Variants in KDM5A observed in about 807,000 individuals in gnomAD.
KDM5A encodes lysine-specific demethylase 5A.
Under a neutral mutation model 193.5 loss-of-function variants are expected in KDM5A, and 42 were observed. That is an observed-to-expected ratio of 0.22 (90% CI 0.17 to 0.28). The LOEUF is 0.28. Ranked by LOEUF, KDM5A falls within the 10% of genes least tolerant of loss-of-function variation. The pLI is 1.00. For missense variants in KDM5A, 1,692 were observed against 2,055.1 expected, an observed-to-expected ratio of 0.82 and a Z score of 3.42; for synonymous variants, 796 against 718.1, an observed-to-expected ratio of 1.11 and a Z score of -1.73.
intron 7 of KDM5A, 110 bp downstream of exon 7, chr12:355,045 GTCT>G: frequency 1.3e-6 from 1 of 749,058 alleles, no homozygotes; most frequent in Non-Finnish European, 2.4e-6. Context: ...GTGCCATCAA[GTCT>G]TCTAACCAAA....
rs188174763 is a variant in KDM5A, at chr12:317,517, C to T, written c.2897+589G>A. Among the ~76,000 whole-genome samples the T allele has an allele frequency of 2.9e-3, 448 of 152,334 alleles. 2 individuals carry two copies. The highest frequency in any genetic ancestry group is 0.01 in the African/African-American group (430 of 41,580). On this transcript the variant is annotated intron_variant, in intron 19 of 27. Transcript: ENST00000399788. The stretch of plus-strand genomic sequence containing the variant: ...CTAAGCATAGGCTCTAAACAAAATA[C>T]TACTGTGTATAACATGAAGTACCTA...
Position 389,197 on chromosome 12 carries a change from T to C in KDM5A, c.-106A>G, listed in dbSNP as rs2137509359. 9.4e-7 allele frequency: 1 copy of C among 1,060,844 alleles called. No homozygotes were observed. Among genetic ancestry groups the C allele is most frequent in the Non-Finnish European group, 1.5e-6 (1 of 681,264 alleles). The allele number at this position is 1,060,844 out of a possible 1,614,324, so 65.7% of individuals were successfully genotyped here. On this transcript the variant is annotated 5_prime_UTR_variant, in exon 1 of 28. An upstream start codon of the reference 5' UTR is lost. Transcript: ENST00000399788. ...GTCCCCTGACAGAGGCCGAAGCGCA[T>C]CTTCGCGGACAAGAACCGTTCAACA... is the stretch of plus-strand genomic sequence containing the variant.
intron 14 of KDM5A, 73 bp from the exon 15 acceptor site, chr12:323,854 T>C (rs1943751589): frequency 1.7e-6 from 2 of 1,186,500 alleles, no homozygotes; most frequent in Non-Finnish European, 2.5e-6. Flanking sequence ...AGTTACTACA[T>C]TTTTTTCTAT....
At chr12:325,456 G>T (rs1021756369) in intron 14 of KDM5A, among the ~76,000 whole-genome samples, 6 of 152,020 alleles carry the variant, frequency 3.9e-5, no homozygotes, top group African/African-American at 1.5e-4. Flanking sequence ...GCCGAGGTGG[G>T]TAGATCACCT....
chr12:334,706 A>T (rs1258263515), intron 10 of KDM5A, among the ~76,000 whole-genome samples: 3 of 152,214 alleles, frequency 2.0e-5, no homozygotes, highest in Admixed American at 1.3e-4. Context: ...GGAAAACAGT[A>T]TGAGACCCAT....
At chr12:373,329 A>C (rs565332414) in intron 3 of KDM5A, among the ~76,000 whole-genome samples, 1 of 152,122 alleles carries the variant, frequency 6.6e-6, no homozygotes, top group Non-Finnish European at 1.5e-5. Flanking sequence ...GGGAGGGTGT[A>C]TGTCTCCAGG....
At chr12:306,278 A>T (rs1463520472) in intron 24 of KDM5A, among the ~76,000 whole-genome samples, 1 of 152,104 alleles carries the variant, frequency 6.6e-6, no homozygotes, top group African/African-American at 2.4e-5. Context: ...CCAAGCCTAG[A>T]ATGGAATTCT....
intron 14 of KDM5A, 128 bp from the exon 15 acceptor site, chr12:323,909 G>T: frequency 1.3e-6 from 1 of 755,130 alleles, no homozygotes; most frequent in Non-Finnish European, 2.3e-6. Flanking sequence ...AGGTACAATG[G>T]CACAACATCA....
At chr12:298,755 G>A (rs933237012) in intron 24 of KDM5A, among the ~76,000 whole-genome samples, 2 of 152,068 alleles carry the variant, frequency 1.3e-5, no homozygotes, top group Admixed American at 1.3e-4. Context: ...ACTCCTCTGA[G>A]CTAAAGGACC....
chr12:327,374 T>C (rs1297991494), intron 14 of KDM5A, among the ~76,000 whole-genome samples: 1 of 152,130 alleles, frequency 6.6e-6, no homozygotes, highest in Non-Finnish European at 1.5e-5. Context: ...AGAAAAAGAA[T>C]CCCATTTTAA....
At position 306,934 on chromosome 12, in the gene KDM5A, C is replaced by T. The variant is rs2137386476; in HGVS notation, c.4074+12G>A. On this transcript the variant is annotated intron_variant, in intron 24 of 27. Coordinates refer to ENST00000399788, the MANE Select transcript of KDM5A (RefSeq NM_001042603.3). Reference sequence around the variant, plus strand: ...TCAGGTATGTACCCACACAGCTTGTCCATGTAACTACCTTCATGTCGTAGC... The same window carrying T: ...TCAGGTATGTACCCACACAGCTTGTTCATGTAACTACCTTCATGTCGTAGC... 4 of 1,612,034 alleles carry T rather than the reference C, an allele frequency of 2.5e-6. No homozygotes were observed. Among genetic ancestry groups the T allele is most frequent in the Non-Finnish European group, 3.4e-6 (4 of 1,179,218 alleles).
intron 19 of KDM5A, among the ~76,000 whole-genome samples, chr12:313,621 T>C (rs761642725): frequency 1.6e-4 from 24 of 152,252 alleles, no homozygotes; most frequent in Middle Eastern, 3.4e-3. Context: ...TAGAAAACAA[T>C]AGACTAGAAA....
intron 14 of KDM5A, among the ~76,000 whole-genome samples, chr12:327,577 C>T (rs1943807182): frequency 6.6e-6 from 1 of 151,982 alleles, no homozygotes; most frequent in Admixed American, 6.6e-5. Flanking sequence ...GTCAAGGTGG[C>T]GCATGCCTGT....
chr12:370,330 T>C (rs904769053), intron 3 of KDM5A, among the ~76,000 whole-genome samples: 2 of 152,302 alleles, frequency 1.3e-5, no homozygotes, highest in African/African-American at 2.4e-5. Context: ...GAGGCGGGGA[T>C]TGCAGGGAGC....
chr12:347,390 T>C (rs1944092306), intron 10 of KDM5A, among the ~76,000 whole-genome samples: 1 of 152,212 alleles, frequency 6.6e-6, no homozygotes, highest in Admixed American at 6.5e-5. Flanking sequence ...ATGGACTTTC[T>C]TCACAGAATT....
At chr12:381,002 T>A (rs1034627419) in intron 3 of KDM5A, among the ~76,000 whole-genome samples, 16 of 151,638 alleles carry the variant, frequency 1.1e-4, no homozygotes, top group Non-Finnish European at 1.3e-4. Flanking sequence ...ATTTTATTTT[T>A]TTTTTTTAGA....
intron 24 of KDM5A, among the ~76,000 whole-genome samples, chr12:304,411 CGCTT>C (rs905212529): frequency 8.8e-5 from 13 of 148,518 alleles, no homozygotes; most frequent in African/African-American, 3.2e-4. Flanking sequence ...ATACAATTAT[CGCTT>C]GCTCTGTGGG....
At chr12:321,268 A>C (rs1231693141) in intron 17 of KDM5A, among the ~76,000 whole-genome samples, 159 bp from the exon 18 acceptor site, 2 of 152,266 alleles carry the variant, frequency 1.3e-5, no homozygotes, top group Non-Finnish European at 2.9e-5. Context: ...CAGTTGAGTT[A>C]TTCAGTTAAT....
chr12:357,924 T>C (rs1944247347), intron 5 of KDM5A, among the ~76,000 whole-genome samples: 1 of 149,772 alleles, frequency 6.7e-6, no homozygotes, highest in Non-Finnish European at 1.5e-5. Context: ...TGCTAGACTC[T>C]GCAACAGCCA....
Sources: allele counts gnomAD v4.1 joint callset (sites outside exome capture counted in the v4.1 genomes callset), GRCh38; gene constraint gnomAD v4.1.1; transcripts MANE v1.5; gene names NCBI Gene and HGNC (gene_info 2026-07-23, HGNC 2026-07-21).